Variants in GPC5 observed in about 807,000 individuals in gnomAD.
GPC5 encodes glypican 5.
In GPC5, 47 loss-of-function variants were observed where a neutral mutation model predicts 53.9. The ratio of observed to expected loss-of-function variants is 0.87; its 90% confidence interval spans 0.69 to 1.11. The LOEUF is 1.11. Ranked by LOEUF, GPC5 falls within the 50% of genes most tolerant of loss-of-function variation. The pLI, the probability that GPC5 is intolerant of heterozygous loss-of-function variation, is 0.00. For synonymous variants in GPC5, 286 were observed against 263.3 expected (o/e 1.09, Z -0.84); for missense variants, 748 against 713.1 (o/e 1.05, Z -0.56).
chr13:91,530,614 T>C (rs1886299855), intron 2 of GPC5, among the ~76,000 whole-genome samples: 1 of 152,228 alleles, frequency 6.6e-6, no homozygotes, highest in South Asian at 2.1e-4. Flanking sequence ...ACGCTCTTTT[T>C]ATATCTTTTC....
At chr13:92,157,278 T>G (rs1318496831) in intron 7 of GPC5, among the ~76,000 whole-genome samples, 2 of 152,182 alleles carry the variant, frequency 1.3e-5, no homozygotes, top group South Asian at 2.1e-4. Flanking sequence ...ATGATTACAG[T>G]AGGGGAAAGA....
At chr13:92,797,071 A>C (rs1876711403) in intron 7 of GPC5, among the ~76,000 whole-genome samples, 1 of 151,932 alleles carries the variant, frequency 6.6e-6, no homozygotes, top group Non-Finnish European at 1.5e-5. Context: ...CGTACGGTGC[A>C]ACAACTCTCA....
intron 7 of GPC5, among the ~76,000 whole-genome samples, chr13:92,277,535 A>G (rs2042884501): frequency 1.3e-5 from 2 of 152,050 alleles, no homozygotes; most frequent in Non-Finnish European, 2.9e-5. Flanking sequence ...CTCAAGTTCA[A>G]GAGTATATGT....
intron 2 of GPC5, among the ~76,000 whole-genome samples, chr13:91,514,897 T>C (rs1401807115): frequency 1.3e-5 from 2 of 152,182 alleles, no homozygotes; most frequent in African/African-American, 4.8e-5. Context: ...AGGTCAAAAA[T>C]AAATAAAATA....
intron 7 of GPC5, among the ~76,000 whole-genome samples, chr13:92,737,677 C>T (rs1019726128): frequency 6.6e-6 from 1 of 150,630 alleles, no homozygotes; most frequent in African/African-American, 2.4e-5. Flanking sequence ...AGAATAAATA[C>T]AGTCTTTTGA....
In GPC5 at chr13:91,398,795, A is replaced by G; in HGVS notation, c.-252A>G. On this transcript the variant is annotated 5_prime_UTR_variant, in exon 1 of 8. Coordinates refer to ENST00000377067, the MANE Select transcript of GPC5 (RefSeq NM_004466.6). ...TTTTCTTCGCCCCGCCCAGCCGCCC[A>G]CTCTTCTCGGCTAGGGAAGAAGACC... is the stretch of plus-strand genomic sequence containing the variant. 4.7e-6 allele frequency: 2 copies of G among 424,332 alleles called. No homozygotes were observed. The highest frequency in any genetic ancestry group is 5.9e-5 in the South Asian group (1 of 16,884). The allele number at this position is 424,332 out of a possible 1,614,324, so 26.3% of individuals were successfully genotyped here. A position where few individuals can be genotyped will look rare whatever the true frequency, so the allele number is the denominator to read the frequency against.
chr13:92,147,893 C>T (rs1006297932), intron 7 of GPC5, among the ~76,000 whole-genome samples: 15 of 151,908 alleles, frequency 9.9e-5, no homozygotes, highest in Admixed American at 7.2e-4. Flanking sequence ...ATAAAGCACT[C>T]TAGTATTTTG....
intron 7 of GPC5, among the ~76,000 whole-genome samples, chr13:92,203,185 C>A (rs954261982): frequency 1.3e-5 from 2 of 151,848 alleles, no homozygotes; most frequent in African/African-American, 4.8e-5. Context: ...GACACATGCA[C>A]ACGTATGTTT....
At chr13:91,534,726 A>G (rs748179870) in intron 2 of GPC5, among the ~76,000 whole-genome samples, 48 of 152,132 alleles carry the variant, frequency 3.2e-4, no homozygotes, top group South Asian at 6.2e-4. Flanking sequence ...CTAACACATC[A>G]CTGAATCCTG....
At chr13:92,842,027 A>G (rs980934911) in intron 7 of GPC5, among the ~76,000 whole-genome samples, 3 of 152,164 alleles carry the variant, frequency 2.0e-5, no homozygotes, top group African/African-American at 7.2e-5. Flanking sequence ...TTGGTCTTCC[A>G]TTCAAAAGAA....
intron 2 of GPC5, among the ~76,000 whole-genome samples, chr13:91,667,701 C>T (rs1441144506): frequency 6.6e-6 from 1 of 152,182 alleles, no homozygotes; most frequent in Admixed American, 6.5e-5. Flanking sequence ...TCAGTCAGGT[C>T]CTCCAGCTTT....
chr13:92,546,765 C>G (rs1250048947), intron 7 of GPC5, among the ~76,000 whole-genome samples: 3 of 152,158 alleles, frequency 2.0e-5, no homozygotes, highest in African/African-American at 7.2e-5. Flanking sequence ...TGACTTCAAA[C>G]TATGCTACAA....
chr13:91,669,071 A>G (rs1362453078), intron 2 of GPC5, among the ~76,000 whole-genome samples: 5 of 152,252 alleles, frequency 3.3e-5, no homozygotes, highest in Non-Finnish European at 7.3e-5. Flanking sequence ...TTACAAATGC[A>G]TTAGGAAACT....
At chr13:91,490,408 T>A (rs1883877845) in intron 2 of GPC5, among the ~76,000 whole-genome samples, 1 of 152,184 alleles carries the variant, frequency 6.6e-6, no homozygotes, top group Non-Finnish European at 1.5e-5. Context: ...ATCTTTGAGT[T>A]AAATAGACAG....
At chr13:92,296,870 C>A (rs1009430900) in intron 7 of GPC5, among the ~76,000 whole-genome samples, 1 of 152,196 alleles carries the variant, frequency 6.6e-6, no homozygotes. Context: ...GCGCTGTGCT[C>A]GATTTCTCGC....
At chr13:92,566,203 C>T (rs2139035569) in intron 7 of GPC5, among the ~76,000 whole-genome samples, 1 of 152,042 alleles carries the variant, frequency 6.6e-6, no homozygotes, top group East Asian at 1.9e-4. Context: ...ACTGATTTTC[C>T]AGGTAGAATT....
At chr13:92,695,414 C>T (rs1171283117) in intron 7 of GPC5, among the ~76,000 whole-genome samples, 1 of 152,050 alleles carries the variant, frequency 6.6e-6, no homozygotes, top group African/African-American at 2.4e-5. Context: ...CTTATAAGTC[C>T]TGATGGCATT....
intron 7 of GPC5, among the ~76,000 whole-genome samples, chr13:92,525,240 C>T (rs1881226730): frequency 6.6e-6 from 1 of 150,938 alleles, no homozygotes; most frequent in Non-Finnish European, 1.5e-5. Context: ...TTATTGCTAC[C>T]ATTTGTTTAA....
intron 7 of GPC5, among the ~76,000 whole-genome samples, chr13:92,219,235 G>A (rs1264523917): frequency 6.6e-6 from 1 of 151,926 alleles, no homozygotes; most frequent in South Asian, 2.1e-4. Context: ...TCATTCTTCT[G>A]AATGTTTTTG....
Sources: allele counts gnomAD v4.1 joint callset (sites outside exome capture counted in the v4.1 genomes callset), GRCh38; gene constraint gnomAD v4.1.1; transcripts MANE v1.5; gene names NCBI Gene and HGNC (gene_info 2026-07-23, HGNC 2026-07-21).